The following B3GLCT variants were observed in gnomAD, a reference collection of about 807,000 sequenced individuals.
B3GLCT encodes the protein beta-1,3-glucosyltransferase.
Under a neutral mutation model 63.4 loss-of-function variants are expected in B3GLCT, and 65 were observed. That is an observed-to-expected ratio of 1.03 (90% CI 0.84 to 1.26). The LOEUF (loss-of-function observed/expected upper bound fraction) is 1.26. Among genes scored for constraint, B3GLCT ranks in the 50% most tolerant of loss-of-function variants. B3GLCT has a pLI of 0.00. For missense variants in B3GLCT, 577 were observed against 604.8 expected (o/e 0.95, Z 0.48); for synonymous variants, 233 against 219.2 (o/e 1.06, Z -0.55).
At chr13:31,282,059 A>C (rs1384227656) in intron 10 of B3GLCT, among the ~76,000 whole-genome samples, 2 of 152,218 alleles carry the variant, frequency 1.3e-5, no homozygotes, top group African/African-American at 4.8e-5. Flanking sequence ...TTCTTGAAAG[A>C]GGCATTCACT....
chr13:31,253,151 C>T (rs1270611464), intron 6 of B3GLCT, among the ~76,000 whole-genome samples: 2 of 152,078 alleles, frequency 1.3e-5, no homozygotes, highest in Admixed American at 6.6e-5. Context: ...ATAAAGATGT[C>T]CTTTGAAACC....
intron 12 of B3GLCT, among the ~76,000 whole-genome samples, chr13:31,301,139 A>C (rs1874203337): frequency 6.6e-6 from 1 of 152,194 alleles, no homozygotes; most frequent in Admixed American, 6.5e-5. Flanking sequence ...TAGTCATAGG[A>C]GTAGCCTCAG....
At chr13:31,294,705 C>T (rs903519297) in intron 12 of B3GLCT, among the ~76,000 whole-genome samples, 2 of 152,026 alleles carry the variant, frequency 1.3e-5, no homozygotes, top group African/African-American at 2.4e-5. Context: ...GTTAGCAATT[C>T]GTCTAACCTT....
At chr13:31,309,409 A>ATAGC (rs1874585425) in intron 12 of B3GLCT, among the ~76,000 whole-genome samples, 1 of 152,130 alleles carries the variant, frequency 6.6e-6, no homozygotes, top group Non-Finnish European at 1.5e-5. Context: ...CTGCCTGGAG[A>ATAGC]TAGCCTTAGA....
At chr13:31,301,897 A>C (rs1286395669) in intron 12 of B3GLCT, among the ~76,000 whole-genome samples, 1 of 152,072 alleles carries the variant, frequency 6.6e-6, no homozygotes, top group Admixed American at 6.5e-5. Context: ...TTTCTACTTT[A>C]TTCATTCCAT....
intron 1 of B3GLCT, among the ~76,000 whole-genome samples, chr13:31,212,463 T>C (rs1593247276): frequency 6.6e-6 from 1 of 151,822 alleles, no homozygotes; most frequent in Admixed American, 6.6e-5. Context: ...TTAGTAGAGA[T>C]GGGGTTTCAC....
intron 1 of B3GLCT, among the ~76,000 whole-genome samples, chr13:31,207,433 G>A (rs1869017620): frequency 6.6e-6 from 1 of 152,104 alleles, no homozygotes; most frequent in African/African-American, 2.4e-5. Context: ...TCACCCCCAA[G>A]ACTGTTTTGA....
At chr13:31,262,377 A>G (rs914621613) in intron 7 of B3GLCT, among the ~76,000 whole-genome samples, 1 of 152,262 alleles carries the variant, frequency 6.6e-6, no homozygotes, top group African/African-American at 2.4e-5. Context: ...AAGAATGCCC[A>G]TCTCCCGGCC....
rs1400311617 is a variant in B3GLCT, at chr13:31,208,580, T to G, written c.71-6471T>G. 9.0e-5 allele frequency among the ~76,000 whole-genome samples: 10 copies of G among 111,670 alleles called. No individual in the cohort carries two copies. The East Asian group carries it at 2.4e-3, about 27-fold the overall frequency. The allele number at this position is 111,670 out of a possible 152,430, so 73.3% of individuals were successfully genotyped here. ...CTTCCCGTCTCACCCCCCACCCGGG[T>G]GCTCTGTCTCAGAGCCTGCAGCTTC... On this transcript the variant is annotated intron_variant, in intron 1 of 14. Coordinates refer to ENST00000343307, the MANE Select transcript of B3GLCT (RefSeq NM_194318.4).
At chr13:31,208,870 G>C (rs907108679) in intron 1 of B3GLCT, among the ~76,000 whole-genome samples, 2 of 151,856 alleles carry the variant, frequency 1.3e-5, no homozygotes, top group Non-Finnish European at 2.9e-5. Context: ...ATGGCCCCTG[G>C]TACCTTCAGC....
chr13:31,313,925 C>T (rs1464851286), intron 12 of B3GLCT, among the ~76,000 whole-genome samples: 1 of 152,132 alleles, frequency 6.6e-6, no homozygotes, highest in African/African-American at 2.4e-5. Flanking sequence ...GGACTTGGTG[C>T]TGTGCATCCC....
At chr13:31,324,401 A>G (rs1205143584) in intron 14 of B3GLCT, among the ~76,000 whole-genome samples, 1 of 152,200 alleles carries the variant, frequency 6.6e-6, no homozygotes, top group Admixed American at 6.5e-5. Context: ...CAATAAGCAT[A>G]TATTCTGAGG....
chr13:31,296,881 T>A (rs147082442), intron 12 of B3GLCT, among the ~76,000 whole-genome samples: 214 of 152,310 alleles, frequency 1.4e-3, no homozygotes, highest in African/African-American at 5.0e-3. Context: ...TCTTTTCATC[T>A]TGTAAAACTG....
rs764211014 is a variant in B3GLCT, at chr13:31,330,237, T to C, written c.*569T>C. ...ATAAAACATCATGAAACCCTAGATA[T>C]GAAATCCCCTGAAGTCTGTAATCAT... On this transcript the variant is annotated 3_prime_UTR_variant, in exon 15 of 15. Coordinates refer to ENST00000343307, the MANE Select transcript of B3GLCT (RefSeq NM_194318.4). 2 of 153,158 alleles carry C rather than the reference T, an allele frequency of 1.3e-5. No individual in the cohort carries two copies. Among genetic ancestry groups the C allele is most frequent in the African/African-American group, 4.8e-5 (2 of 41,442 alleles). 9.5% of individuals were successfully genotyped at this position (153,158 alleles called of 1,614,324 possible).
At chr13:31,267,026 C>T (rs980570377) in intron 7 of B3GLCT, among the ~76,000 whole-genome samples, 1 of 152,204 alleles carries the variant, frequency 6.6e-6, no homozygotes, top group Non-Finnish European at 1.5e-5. Flanking sequence ...ACGCCTCAGC[C>T]TCCCAAAGTG....
chr13:31,231,513 A>T (rs953012612), intron 4 of B3GLCT, among the ~76,000 whole-genome samples: 1 of 152,230 alleles, frequency 6.6e-6, no homozygotes, highest in East Asian at 1.9e-4. Flanking sequence ...ATCCAAGTCT[A>T]GTTGATTGCA....
chr13:31,217,548 T>G (rs1042882850), intron 2 of B3GLCT, among the ~76,000 whole-genome samples: 3 of 152,260 alleles, frequency 2.0e-5, no homozygotes, highest in Non-Finnish European at 4.4e-5. Flanking sequence ...TCCTATGTTT[T>G]CTTGTAGGGC....
rs765971200 is a variant in B3GLCT at position 31,200,071 on chromosome 13, C to A, written c.-14C>A. 8.8e-6 allele frequency: 12 copies of A among 1,364,008 alleles called. No individual in the cohort carries two copies. Among genetic ancestry groups the A allele is most frequent in the African/African-American group, 3.0e-5 (2 of 65,846 alleles). 84.5% of individuals were successfully genotyped at this position (1,364,008 alleles called of 1,614,324 possible). ...CCCCGCGCCCAGGTAGGGCGCTCAG[C>A]CTCCGCCGCCAGGATGCGGCCGCCC... On this transcript the variant is annotated 5_prime_UTR_variant, in exon 1 of 15. Transcript: ENST00000343307.
intron 9 of B3GLCT, 26 bp from the exon 10 acceptor site, chr13:31,276,676 T>C (rs776827046): frequency 2.6e-6 from 4 of 1,528,044 alleles, no homozygotes; most frequent in Non-Finnish European, 3.6e-6. Context: ...CACATATGCA[T>C]ACATTTTTTC....
Sources: gnomAD v4.1 joint callset for allele counts (sites outside exome capture counted in the v4.1 genomes callset) on GRCh38, gnomAD v4.1.1 for gene constraint, MANE v1.5 for transcripts, NCBI Gene and HGNC (gene_info 2026-07-23, HGNC 2026-07-21) for gene names.